ADARB1: variants seen among roughly 807,000 people sequenced by gnomAD.
ADARB1 encodes the protein double-stranded RNA-specific editase 1.
Under a neutral mutation model 52.4 loss-of-function variants are expected in ADARB1, and 10 were observed. The ratio of observed to expected loss-of-function variants is 0.19; its 90% CI spans 0.12 to 0.32. ADARB1 has a LOEUF of 0.32. Among genes scored for constraint, ADARB1 ranks in the 10% least tolerant of loss-of-function variants. The pLI, the probability that ADARB1 is intolerant of heterozygous loss-of-function variation, is 1.00. For missense variants in ADARB1, 643 were observed against 922.3 expected, an observed-to-expected ratio of 0.70 and a Z score of 3.92; for synonymous variants, 349 against 371.1, an observed-to-expected ratio of 0.94 and a Z score of 0.68.
rs2092042647 is a variant in ADARB1 at position 45,184,703 on chromosome 21, A to G, written c.1397-220A>G. 3 of 465,044 alleles carry G rather than the reference A, an allele frequency of 6.5e-6. No homozygotes were observed. The East Asian group carries it at 1.3e-4, about 20-fold the overall frequency. The allele number at this position is 465,044 out of a possible 1,614,324, so 28.8% of individuals were successfully genotyped here. ...TGGGCTCAAGCGATCCACCTGCCTC[A>G]GCCTCCCAAAGTGCTGAGATTACAG... On this transcript the variant is annotated intron_variant, in intron 7 of 10. Coordinates refer to ENST00000348831, the MANE Select transcript of ADARB1 (RefSeq NM_001112.4).
chr21:45,168,532 C>T (rs971493438), intron 2 of ADARB1, among the ~76,000 whole-genome samples: 1 of 152,138 alleles, frequency 6.6e-6, no homozygotes, highest in Non-Finnish European at 1.5e-5. Context: ...TTTTTTGGAA[C>T]TCTAGTTGCC....
intron 1 of ADARB1, among the ~76,000 whole-genome samples, chr21:45,093,112 C>G (rs529942571): frequency 1.3e-4 from 20 of 152,276 alleles, no homozygotes; most frequent in African/African-American, 3.8e-4. Context: ...GGAAATTAGT[C>G]TCTGAAATAA....
chr21:45,196,481 A>G (rs1266463821), intron 8 of ADARB1, among the ~76,000 whole-genome samples: 1 of 152,342 alleles, frequency 6.6e-6, no homozygotes, highest in African/African-American at 2.4e-5. Context: ...GACTTTCCAT[A>G]AAAGGAAAAA....
intron 2 of ADARB1, among the ~76,000 whole-genome samples, chr21:45,149,570 A>G (rs2090179293): frequency 6.6e-6 from 1 of 152,248 alleles, no homozygotes; most frequent in African/African-American, 2.4e-5. Flanking sequence ...TTTTATATGA[A>G]TTAATGTTGG....
chr21:45,158,795 A>T (rs187241039), intron 2 of ADARB1, among the ~76,000 whole-genome samples: 4 of 152,082 alleles, frequency 2.6e-5, no homozygotes, highest in African/African-American at 9.7e-5. Context: ...CAGGGCATAC[A>T]ATATTTTGTG....
chr21:45,102,094 G>A (rs1439953806), intron 1 of ADARB1, among the ~76,000 whole-genome samples: 1 of 152,142 alleles, frequency 6.6e-6, no homozygotes, highest in African/African-American at 2.4e-5. Context: ...GTCTTGCTGT[G>A]TTGCCCAGGC....
chr21:45,106,684 T>C (rs2087272675), intron 1 of ADARB1, among the ~76,000 whole-genome samples: 1 of 152,254 alleles, frequency 6.6e-6, no homozygotes, highest in African/African-American at 2.4e-5. Flanking sequence ...CAAATTTAAC[T>C]TAACTATAGT....
At chr21:45,214,976 C>G (rs1352738897) in intron 9 of ADARB1, among the ~76,000 whole-genome samples, 1 of 152,188 alleles carries the variant, frequency 6.6e-6, no homozygotes, top group Non-Finnish European at 1.5e-5. Context: ...ACATCCTTCT[C>G]TTACATGTCA....
At chr21:45,079,314 A>G (rs1431874604) in intron 1 of ADARB1, among the ~76,000 whole-genome samples, 1 of 152,242 alleles carries the variant, frequency 6.6e-6, no homozygotes, top group African/African-American at 2.4e-5. Flanking sequence ...CTAAGCATTG[A>G]CTTTTAAAAT....
intron 1 of ADARB1, among the ~76,000 whole-genome samples, chr21:45,075,488 G>T (rs147202150): frequency 6.6e-6 from 1 of 152,354 alleles, no homozygotes; most frequent in Non-Finnish European, 1.5e-5. Flanking sequence ...GTGTCCGCGC[G>T]GGATGCTCTG....
At chr21:45,185,667 A>G (rs957065494) in intron 8 of ADARB1, among the ~76,000 whole-genome samples, 2 of 152,258 alleles carry the variant, frequency 1.3e-5, no homozygotes, top group African/African-American at 4.8e-5. Context: ...GCCTGTATCC[A>G]GAGCAGATTA....
intron 9 of ADARB1, among the ~76,000 whole-genome samples, chr21:45,219,989 C>CT (rs10718648): frequency 0.011 from 1,369 of 121,934 alleles, 19 homozygotes; most frequent in South Asian, 0.033. Flanking sequence ...TCTTGGTAGC[C>CT]TTTTTTTTTT....
chr21:45,184,935 G>T lies in ADARB1; in HGVS notation c.1409G>T (p.Arg470Ile), dbSNP rs1455635081. The T allele has an allele frequency of 1.9e-6, 3 of 1,611,710 alleles. No homozygotes were observed. The highest frequency in any genetic ancestry group is 2.5e-6 in the Non-Finnish European group (3 of 1,178,086). Residue 470 changes from arginine to isoleucine, a missense_variant, in exon 8 of 11, where the codon AGA (arginine) becomes ATA (isoleucine). By Grantham distance (97) the Arg-to-Ile change is moderately conservative. Coordinates refer to ENST00000348831, the MANE Select transcript of ADARB1 (RefSeq NM_001112.4). ...TTTTCTCTCTTAGAACCAGCAGATA[G>T]ACACCCAAATCGTAAAGCAAGAGGA... The part of the protein sequence containing the change: ...HEPILEEPAD[R>I]HPNRKARGQL...
At chr21:45,215,750 G>A (rs1313606596) in intron 9 of ADARB1, among the ~76,000 whole-genome samples, 5 of 152,284 alleles carry the variant, frequency 3.3e-5, no homozygotes, top group African/African-American at 9.6e-5. Context: ...GATTCAGTTT[G>A]CTAAAATTTC....
intron 2 of ADARB1, among the ~76,000 whole-genome samples, chr21:45,168,048 G>A (rs1007863516): frequency 6.6e-6 from 1 of 152,040 alleles, no homozygotes; most frequent in Admixed American, 6.5e-5. Context: ...CTTCTCGGAG[G>A]TGTGCAGCGG....
chr21:45,097,506 G>C (rs2086815969), intron 1 of ADARB1, among the ~76,000 whole-genome samples: 1 of 152,038 alleles, frequency 6.6e-6, no homozygotes, highest in African/African-American at 2.4e-5. Context: ...TTGTGCCGTG[G>C]AAGGGTCCCT....
chr21:45,108,020 C>T lies in ADARB1; in HGVS notation c.-219-20382C>T, dbSNP rs185321528. Among the ~76,000 whole-genome samples the T allele has an allele frequency of 2.4e-3, 368 of 152,198 alleles. 3 individuals carry two copies. Among genetic ancestry groups the T allele is most frequent in the African/African-American group, 8.5e-3 (353 of 41,500 alleles). Reference sequence around the variant, plus strand: ...AGGTTGCAATGAGCCATGATGGTGCCACTCCAGCCTCGGTGACAGAGCGAG... The same window carrying T: ...AGGTTGCAATGAGCCATGATGGTGCTACTCCAGCCTCGGTGACAGAGCGAG... On this transcript the variant is annotated intron_variant, in intron 1 of 10. Transcript: ENST00000348831.
At chr21:45,090,255 A>T (rs981857573) in intron 1 of ADARB1, among the ~76,000 whole-genome samples, 1 of 152,180 alleles carries the variant, frequency 6.6e-6, no homozygotes, top group African/African-American at 2.4e-5. Context: ...CATTCTGGGG[A>T]AAATCCTGTT....
intron 2 of ADARB1, chr21:45,137,016 TAC>T (rs2089425422): frequency 6.6e-6 from 1 of 152,222 alleles, no homozygotes; most frequent in African/African-American, 2.4e-5. Context: ...TTTAACAAAA[TAC>T]ACACTGTTGG....
Sources: allele counts gnomAD v4.1 joint callset (sites outside exome capture counted in the v4.1 genomes callset), GRCh38; gene constraint gnomAD v4.1.1; transcripts MANE v1.5; gene names NCBI Gene and HGNC (gene_info 2026-07-23, HGNC 2026-07-21).